LMO7: variants seen among roughly 807,000 people sequenced by gnomAD.
The protein encoded by LMO7 is LIM domain 7.
Under a neutral mutation model 206.5 loss-of-function variants are expected in LMO7, and 120 were observed. That is an observed-to-expected ratio of 0.58 (90% confidence interval 0.50 to 0.68). LMO7 has a LOEUF of 0.68. LMO7 is among the 30% of genes least tolerant of loss of function. The probability of loss-of-function intolerance (pLI) is 0.00; values close to 1 mark genes in which losing one functional copy is unlikely to be tolerated. For synonymous variants in LMO7, 706 were observed against 681.5 expected, an observed-to-expected ratio of 1.04 and a Z score of -0.56; for missense variants, 1,959 against 1,957.9, an observed-to-expected ratio of 1.00 and a Z score of -0.01.
In LMO7 at chr13:75,808,153, C is replaced by A; in HGVS notation, c.1870C>A (p.Arg624=). 1.2e-6 allele frequency: 2 copies of A among 1,613,698 alleles called. No individual in the cohort carries two copies. Among genetic ancestry groups the A allele is most frequent in the Non-Finnish European group, 1.7e-6 (2 of 1,179,774 alleles). The change falls in exon 10 of 31, where the codon CGG becomes AGG. Residue 624 remains arginine (R), a synonymous_variant. Coordinates refer to ENST00000377534, the MANE Select transcript of LMO7 (RefSeq NM_001306080.2). ...EADLKRWEAI[R]EASRLRHKKR... is the part of the protein sequence containing the mutation. ...TGACTTGAAGAGATGGGAGGCCATC[C>A]GGGAGGCCAGCAGACTTAGGCACAA...
At chr13:75,815,778 A>G (rs1434664999) in intron 11 of LMO7, among the ~76,000 whole-genome samples, 1 of 152,082 alleles carries the variant, frequency 6.6e-6, no homozygotes, top group Admixed American at 6.6e-5. Context: ...AAAGAAAGAG[A>G]CACTGAATGA....
At chr13:75,730,533 G>T (rs1309931291) in intron 3 of LMO7, among the ~76,000 whole-genome samples, 1 of 151,110 alleles carries the variant, frequency 6.6e-6, no homozygotes, top group Admixed American at 6.6e-5. Flanking sequence ...TCCTTTATTA[G>T]TCTTGCTAGC....
intron 21 of LMO7, 127 bp downstream of exon 21, chr13:75,840,237 A>G (rs1037661874): frequency 4.0e-5 from 55 of 1,382,074 alleles, no homozygotes; most frequent in Middle Eastern, 1.8e-4. Flanking sequence ...TTCCAAGTTG[A>G]AAAACTTATT....
chr13:75,833,083 C>A lies in LMO7; in HGVS notation c.2982C>A (p.Asn994Lys), dbSNP rs1288335039. 1.9e-6 allele frequency: 3 copies of A among 1,610,572 alleles called. No individual in the cohort carries two copies. The highest frequency in any genetic ancestry group is 2.5e-6 in the Non-Finnish European group (3 of 1,176,970). ...TCAGTGATATGAGAATCAGCATAAA[C>A]CAGACGCCTGGGAAGAGTCTTGACT... Reference protein sequence around the residue: ...DQFSDMRISINQTPGKSLDFG... With the variant: ...DQFSDMRISIKQTPGKSLDFG... The change falls in exon 16 of 31, where the codon AAC becomes AAA. Residue 994 changes from asparagine to lysine, a missense_variant. Coordinates refer to ENST00000377534, the MANE Select transcript of LMO7 (RefSeq NM_001306080.2).
intron 3 of LMO7, among the ~76,000 whole-genome samples, chr13:75,733,105 C>T (rs538448350): frequency 1.0e-3 from 158 of 152,334 alleles, no homozygotes; most frequent in Non-Finnish European, 1.7e-3. Context: ...GCAGTCTCCC[C>T]GTTCTCAGAT....
intron 1 of LMO7, among the ~76,000 whole-genome samples, chr13:75,673,977 G>C (rs1447351243): frequency 8.2e-6 from 1 of 122,198 alleles, no homozygotes; most frequent in African/African-American, 2.7e-5. Context: ...ACTAACTGAG[G>C]AATTTAAATC....
In LMO7 at chr13:75,669,433, A is replaced by G. The variant is rs529435105; in HGVS notation, c.69+32707A>G. Among the ~76,000 whole-genome samples, 44 of 152,186 alleles carry G rather than the reference A, an allele frequency of 2.9e-4. 1 individual carries two copies. The highest frequency in any genetic ancestry group is 5.1e-4 in the Non-Finnish European group (35 of 68,034). ...AAATTAGGATTCCCTAGTGGCCTAGAGCAATCTCAGAGTGAAGGTGGAAGA... is the reference window on the plus strand; with the variant it reads ...AAATTAGGATTCCCTAGTGGCCTAGGGCAATCTCAGAGTGAAGGTGGAAGA... On this transcript the variant is annotated intron_variant, in intron 1 of 30. Transcript: ENST00000377534.
At chr13:75,786,337 G>T (rs1361224145) in intron 4 of LMO7, among the ~76,000 whole-genome samples, 3 of 151,184 alleles carry the variant, frequency 2.0e-5, no homozygotes, top group Non-Finnish European at 4.4e-5. Flanking sequence ...GTTTGTGAGG[G>T]TTCAATCCCT....
chr13:75,632,262 T>TG (rs1255677364), upstream of LMO7: 1 of 152,210 alleles, frequency 6.6e-6, no homozygotes, highest in Non-Finnish European at 1.5e-5. Context: ...GAATTATATT[T>TG]GGGTCTTCTG....
At chr13:75,785,973 A>G (rs1235240625) in intron 4 of LMO7, among the ~76,000 whole-genome samples, 1 of 152,186 alleles carries the variant, frequency 6.6e-6, no homozygotes, top group Non-Finnish European at 1.5e-5. Context: ...GTTGATGTTA[A>G]TACTCATCTC....
intron 1 of LMO7, among the ~76,000 whole-genome samples, chr13:75,705,784 A>T (rs1339483084): frequency 2.0e-5 from 3 of 151,710 alleles, no homozygotes; most frequent in African/African-American, 7.3e-5. Flanking sequence ...TCACATTTAA[A>T]GTGTGATTTA....
chr13:75,674,343 A>C (rs2039838100), intron 1 of LMO7, among the ~76,000 whole-genome samples: 1 of 152,236 alleles, frequency 6.6e-6, no homozygotes, highest in Non-Finnish European at 1.5e-5. Context: ...TTCCAGTTTG[A>C]ATTAACATTG....
chr13:75,754,276 G>A (rs562083064), intron 3 of LMO7, among the ~76,000 whole-genome samples: 2 of 152,192 alleles, frequency 1.3e-5, no homozygotes, highest in African/African-American at 2.4e-5. Context: ...AATGGAATAC[G>A]TGACTTTTGT....
At chr13:75,856,429 T>TG in intron 29 of LMO7, 77 bp from the exon 30 acceptor site, 1 of 824,658 alleles carries the variant, frequency 1.2e-6, no homozygotes, top group Non-Finnish European at 2.1e-6. Flanking sequence ...TCTGCTCATT[T>TG]CCCCCCCACC....
At chr13:75,739,365 C>T (rs1434343603) in intron 3 of LMO7, among the ~76,000 whole-genome samples, 2 of 152,172 alleles carry the variant, frequency 1.3e-5, no homozygotes, top group African/African-American at 4.8e-5. Flanking sequence ...TTTCAGATTA[C>T]TTTCAGGAGT....
chr13:75,744,225 C>T (rs1282820437), intron 3 of LMO7, among the ~76,000 whole-genome samples: 1 of 152,144 alleles, frequency 6.6e-6, no homozygotes, highest in African/African-American at 2.4e-5. Flanking sequence ...AATTTGGGGT[C>T]AACATTGTAG....
In LMO7 at chr13:75,684,540, C is replaced by T. The variant is rs368432859; in HGVS notation, c.70-28642C>T. ...GATTACAGGCGTGAGCCACTGCGCC[C>T]GGCCGGCTTTTTTTTTTTTTTTTTT... On this transcript the variant is annotated intron_variant, in intron 1 of 30. Transcript: ENST00000377534. 1.9e-3 allele frequency among the ~76,000 whole-genome samples: 279 copies of T among 144,796 alleles called. 1 individual carries two copies. Among genetic ancestry groups the T allele is most frequent in the African/African-American group, 5.2e-3 (207 of 39,678 alleles). The allele number at this position is 144,796 out of a possible 152,430, so 95.0% of individuals were successfully genotyped here.
In LMO7 at chr13:75,821,490, T is replaced by A; in HGVS notation, c.2521T>A (p.Ser841Thr). The change falls in exon 14 of 31, where the codon TCA becomes ACA. Residue 841 changes from serine (S) to threonine (T), a missense_variant. Ser to Thr is a moderately conservative substitution (Grantham distance 58, BLOSUM62 1). Coordinates refer to ENST00000377534, the MANE Select transcript of LMO7 (RefSeq NM_001306080.2). ...CACACAAATGGAATCAACTCGTGTTTCAGCTTCTCTCCCCAGAAGTTACCG... is the reference window on the plus strand; with the variant it reads ...CACACAAATGGAATCAACTCGTGTTACAGCTTCTCTCCCCAGAAGTTACCG... ...RSTQMESTRV[S>T]ASLPRSYRKT... is the part of the protein sequence containing the mutation. 6.2e-7 allele frequency: 1 copy of A among 1,614,176 alleles called. No homozygotes were observed. Among genetic ancestry groups the A allele is most frequent in the Non-Finnish European group, 8.5e-7 (1 of 1,180,012 alleles).
At chr13:75,665,887 G>A (rs1275958780) in intron 1 of LMO7, among the ~76,000 whole-genome samples, 1 of 152,266 alleles carries the variant, frequency 6.6e-6, no homozygotes, top group Non-Finnish European at 1.5e-5. Flanking sequence ...GAAACCAGAA[G>A]TGAATAAATA....
Sources: gnomAD v4.1 joint callset for allele counts (sites outside exome capture counted in the v4.1 genomes callset) on GRCh38, gnomAD v4.1.1 for gene constraint, MANE v1.5 for transcripts, NCBI Gene and HGNC (gene_info 2026-07-23, HGNC 2026-07-21) for gene names.